The following DCDC1 variants were observed in gnomAD, a reference collection of about 807,000 sequenced individuals.
DCDC1 encodes doublecortin domain-containing protein 1.
In DCDC1, 200 loss-of-function variants were observed where a neutral mutation model predicts 178.3. The ratio of observed to expected loss-of-function variants is 1.12; its 90% confidence interval spans 1.00 to 1.26. DCDC1 has a LOEUF of 1.26. Among genes scored for constraint, DCDC1 ranks in the 50% most tolerant of loss-of-function variants. The pLI is 0.00. For missense variants in DCDC1, 1,983 were observed against 1,749.2 expected, an observed-to-expected ratio of 1.13 and a Z score of -2.38; for synonymous variants, 690 against 604.8, an observed-to-expected ratio of 1.14 and a Z score of -2.07.
chr11:31,227,998 A>C (rs1450337950), intron 9 of DCDC1, among the ~76,000 whole-genome samples: 1 of 152,096 alleles, frequency 6.6e-6, no homozygotes, highest in African/African-American at 2.4e-5. Flanking sequence ...AGCACTTCAA[A>C]ATATATTTAG....
intron 1 of DCDC1, among the ~76,000 whole-genome samples, chr11:31,365,003 T>A (rs1199298408): frequency 6.6e-6 from 1 of 152,220 alleles, no homozygotes; most frequent in Non-Finnish European, 1.5e-5. Flanking sequence ...CGTATTAGTA[T>A]ACCTGCAAGT....
At chr11:31,063,228 T>C (rs1346692434) in intron 20 of DCDC1, among the ~76,000 whole-genome samples, 2 of 151,874 alleles carry the variant, frequency 1.3e-5, no homozygotes, top group African/African-American at 2.4e-5. Flanking sequence ...TGTGGAGAAA[T>C]AAGAACACTT....
At chr11:31,235,806 G>A (rs914391077) in intron 9 of DCDC1, among the ~76,000 whole-genome samples, 38 of 151,882 alleles carry the variant, frequency 2.5e-4, no homozygotes, top group African/African-American at 8.5e-4. Context: ...CATTTGAAAC[G>A]TAAGTTGGCC....
chr11:30,953,419 G>A (rs539248244), intron 20 of DCDC1, among the ~76,000 whole-genome samples: 9 of 151,444 alleles, frequency 5.9e-5, no homozygotes, highest in South Asian at 2.1e-4. Flanking sequence ...ATGAAATAAC[G>A]TACTTGAAAC....
chr11:31,143,039 T>C (rs1288267016), intron 9 of DCDC1, among the ~76,000 whole-genome samples: 1 of 152,014 alleles, frequency 6.6e-6, no homozygotes, highest in African/African-American at 2.4e-5. Context: ...TTTTTCCAGA[T>C]ACAAATAGGT....
chr11:30,886,068 C>T (rs1278144382), intron 36 of DCDC1, among the ~76,000 whole-genome samples: 1 of 151,638 alleles, frequency 6.6e-6, no homozygotes, highest in Non-Finnish European at 1.5e-5. Flanking sequence ...AATAAGTGAA[C>T]AGACCAACTT....
chr11:31,271,216 C>T (rs1945524860), intron 7 of DCDC1, among the ~76,000 whole-genome samples: 1 of 152,172 alleles, frequency 6.6e-6, no homozygotes, highest in Non-Finnish European at 1.5e-5. Context: ...TACAGCCATC[C>T]ACTCTTTTTC....
intron 1 of DCDC1, among the ~76,000 whole-genome samples, chr11:31,352,628 G>C (rs753173081): frequency 5.3e-5 from 8 of 152,112 alleles, no homozygotes; most frequent in Middle Eastern, 3.2e-3. Flanking sequence ...AACAGCTTTT[G>C]AGTTAACTTG....
chr11:30,974,652 T>C (rs139739116), intron 20 of DCDC1, among the ~76,000 whole-genome samples: 1 of 152,084 alleles, frequency 6.6e-6, no homozygotes, highest in East Asian at 1.9e-4. Flanking sequence ...CCTACCAAGA[T>C]TAAATCAGGA....
intron 21 of DCDC1, among the ~76,000 whole-genome samples, chr11:30,938,293 C>G (rs567952940): frequency 6.6e-6 from 1 of 152,052 alleles, no homozygotes; most frequent in East Asian, 1.9e-4. Context: ...TCTCTGGGCA[C>G]GAGCCAAGCC....
At chr11:30,906,042 T>C (rs977716394) in intron 30 of DCDC1, among the ~76,000 whole-genome samples, 1 of 152,166 alleles carries the variant, frequency 6.6e-6, no homozygotes. Flanking sequence ...ACAAAGGTTA[T>C]AGGAAAGCGG....
rs781400380 is a variant in DCDC1 at position 30,908,583 on chromosome 11, G to A, written c.3918+363C>T. ...ATTTTTGGAAGTATGTGATTCATACGGAGGTGAAGTAATATAATGTCTGGG... is the reference window on the plus strand; with the variant it reads ...ATTTTTGGAAGTATGTGATTCATACAGAGGTGAAGTAATATAATGTCTGGG... On this transcript the variant is annotated intron_variant, in intron 29 of 38. Coordinates refer to ENST00000684477, the MANE Select transcript of DCDC1 (RefSeq NM_001387274.1). Among the ~76,000 whole-genome samples, 5 of 152,054 alleles carry A rather than the reference G, an allele frequency of 3.3e-5. 1 individual carries two copies. Among genetic ancestry groups the A allele is most frequent in the Admixed American group, 6.5e-5 (1 of 15,272 alleles).
At chr11:30,988,640 G>A (rs1204449067) in intron 20 of DCDC1, among the ~76,000 whole-genome samples, 1 of 151,984 alleles carries the variant, frequency 6.6e-6, no homozygotes, top group Non-Finnish European at 1.5e-5. Context: ...GGCTCCCCTG[G>A]GCTGCATTGG....
At chr11:31,005,818 A>G (rs1951806028) in intron 20 of DCDC1, among the ~76,000 whole-genome samples, 2 of 151,948 alleles carry the variant, frequency 1.3e-5, no homozygotes, top group South Asian at 4.2e-4. Flanking sequence ...ATATATTTCT[A>G]GCTTCTCATA....
rs569791530 is a variant in DCDC1, at chr11:31,351,821, C to G, written c.-124-16257G>C. Reference sequence around the variant, plus strand: ...GAACCAGAAGTTGTTTAATGCTAATCCAGGAACTACTACTTGAGTAAACGA... The same window carrying G: ...GAACCAGAAGTTGTTTAATGCTAATGCAGGAACTACTACTTGAGTAAACGA... On this transcript the variant is annotated intron_variant, in intron 1 of 38. Coordinates refer to ENST00000684477, the MANE Select transcript of DCDC1 (RefSeq NM_001387274.1). Among the ~76,000 whole-genome samples, 93 of 152,234 alleles carry G rather than the reference C, an allele frequency of 6.1e-4. 1 individual carries two copies. The highest frequency in any genetic ancestry group is 6.1e-3 in the Admixed American group (93 of 15,286).
intron 4 of DCDC1, 121 bp from the exon 5 acceptor site, chr11:31,306,509 G>C (rs574000696): frequency 9.6e-7 from 1 of 1,043,202 alleles, no homozygotes; most frequent in East Asian, 3.1e-5. Context: ...ATGTATATAA[G>C]TATACCTAAC....
intron 36 of DCDC1, among the ~76,000 whole-genome samples, chr11:30,891,027 T>C (rs991074951): frequency 6.6e-6 from 1 of 152,180 alleles, no homozygotes; most frequent in East Asian, 1.9e-4. Context: ...TACTTTCTTA[T>C]GATATGTACA....
chr11:31,075,029 A>G (rs116389669), intron 18 of DCDC1, among the ~76,000 whole-genome samples: 1 of 152,290 alleles, frequency 6.6e-6, no homozygotes, highest in African/African-American at 2.4e-5. Context: ...TGCATCCATT[A>G]AGTAATTTCT....
chr11:31,263,495 G>A (rs1944933285), intron 8 of DCDC1, among the ~76,000 whole-genome samples: 1 of 152,098 alleles, frequency 6.6e-6, no homozygotes, highest in South Asian at 2.1e-4. Context: ...GTATCTACAG[G>A]AGATTTGAAA....
Sources: gnomAD v4.1 joint callset for allele counts (sites outside exome capture counted in the v4.1 genomes callset) on GRCh38, gnomAD v4.1.1 for gene constraint, MANE v1.5 for transcripts, NCBI Gene and HGNC (gene_info 2026-07-23, HGNC 2026-07-21) for gene names.